Variants in ENTPD4 observed in about 807,000 individuals in gnomAD.
ENTPD4 encodes ectonucleoside triphosphate diphosphohydrolase 4, also known as Golgi UDPase.
ENTPD4 carries 60 observed loss-of-function variants against 79.1 expected under a neutral mutation model. The ratio of observed to expected loss-of-function variants is 0.76; its 90% CI spans 0.62 to 0.94. The LOEUF is 0.94. Among genes scored for constraint, ENTPD4 ranks in the 40% least tolerant of loss-of-function variants. The pLI is 0.00. For missense variants in ENTPD4, 772 were observed against 775.1 expected (o/e 1.00, Z 0.05); for synonymous variants, 276 against 292.0 (o/e 0.95, Z 0.56).
intron 12 of ENTPD4, 31 bp from the exon 13 acceptor site, chr8:23,433,185 G>T: frequency 1.9e-6 from 3 of 1,598,662 alleles, no homozygotes; most frequent in Non-Finnish European, 2.6e-6. Context: ...CAACAAACAG[G>T]ACAGTAAGCA....
rs138478788 is a variant in ENTPD4 at position 23,441,713 on chromosome 8, G to A, written c.738C>T (p.Ala246=). 1,525 of 1,613,750 alleles carry A rather than the reference G, an allele frequency of 9.5e-4. 1 individual carries two copies. Among genetic ancestry groups the A allele is most frequent in the Non-Finnish European group, 1.2e-3 (1,459 of 1,180,008 alleles). The change falls in exon 8 of 13, where the codon GCC becomes GCT. Residue 246 remains alanine, a synonymous_variant. Transcript: ENST00000358689. The part of the protein sequence containing the change: ...RFEHIEDDDE[A]VVEVNIPGSE... Reference sequence around the variant, plus strand: ...TTCCAGGAATGTTAACTTCCACAACGGCCTCATCATCTAGAAAGAACAGAA... The same window carrying A: ...TTCCAGGAATGTTAACTTCCACAACAGCCTCATCATCTAGAAAGAACAGAA...
intron 2 of ENTPD4, among the ~76,000 whole-genome samples, chr8:23,449,664 T>G (rs1800824660): frequency 6.6e-6 from 1 of 152,220 alleles, no homozygotes; most frequent in Non-Finnish European, 1.5e-5. Flanking sequence ...AAAATTTCAC[T>G]GCCTTTGGGA....
chr8:23,444,549 A>G lies in ENTPD4; in HGVS notation c.470T>C (p.Leu157Ser). The stretch of plus-strand genomic sequence containing the variant: ...TGGCACATGCTCTGCAGCAAAGTTC[A>G]AAAGTGGAGAAATGTAATCACTGAC... ...EKVSDYISPLLNFAAEHVPRA... is the reference protein window; with the variant it reads ...EKVSDYISPLSNFAAEHVPRA... The change falls in exon 5 of 13, where the codon TTG becomes TCG. Residue 157 changes from leucine to serine, a missense_variant. Leu to Ser is a moderately radical substitution (Grantham distance 145). Transcript: ENST00000358689. 1.2e-6 allele frequency: 2 copies of G among 1,614,190 alleles called. No homozygotes were observed. Among genetic ancestry groups the G allele is most frequent in the Non-Finnish European group, 1.7e-6 (2 of 1,180,000 alleles).
chr8:23,445,130 A>G (rs2117295115), intron 4 of ENTPD4, among the ~76,000 whole-genome samples: 1 of 152,294 alleles, frequency 6.6e-6, no homozygotes, highest in African/African-American at 2.4e-5. Context: ...CTCCGAGGCC[A>G]TCAGCGCTGG....
Position 23,430,684 on chromosome 8 carries a change from T to A in ENTPD4, c.*2242A>T. On this transcript the variant is annotated 3_prime_UTR_variant, in exon 13 of 13. Transcript: ENST00000358689. ...GCCCTTGTTTCAGGATCCTCAGGTA[T>A]GTGACTAACTCTTCTATGCCCAGAG... 1 of 985,474 alleles carries A rather than the reference T, an allele frequency of 1.0e-6. No individual in the cohort carries two copies. Among genetic ancestry groups the A allele is most frequent in the South Asian group, 4.7e-5 (1 of 21,290 alleles). The allele number at this position is 985,474 out of a possible 1,614,324, so 61.0% of individuals were successfully genotyped here. A position where few individuals can be genotyped will look rare whatever the true frequency, so the allele number is the denominator to read the frequency against.
intron 12 of ENTPD4, 80 bp from the exon 13 acceptor site, chr8:23,433,234 A>C: frequency 5.6e-6 from 7 of 1,239,920 alleles, no homozygotes; most frequent in Non-Finnish European, 6.9e-6. Context: ...GGACGGCGGG[A>C]CCCAGGCCCC....
chr8:23,456,766 A>G (rs1246374933), intron 1 of ENTPD4, among the ~76,000 whole-genome samples: 1 of 152,272 alleles, frequency 6.6e-6, no homozygotes, highest in Admixed American at 6.5e-5. Flanking sequence ...AAAGCTGGAT[A>G]ATTTGGTATT....
At chr8:23,443,796 G>A (rs1460272990) in intron 6 of ENTPD4, 54 bp downstream of exon 6, 4 of 1,024,578 alleles carry the variant, frequency 3.9e-6, no homozygotes, top group African/African-American at 1.6e-5. Context: ...TGAAAATGGG[G>A]AGGATTTAAA....
chr8:23,455,139 T>G (rs553256885), intron 1 of ENTPD4, among the ~76,000 whole-genome samples: 2 of 152,212 alleles, frequency 1.3e-5, no homozygotes, highest in Non-Finnish European at 2.9e-5. Context: ...CTGACAGTTC[T>G]ACAGATAACG....
Sources: allele counts gnomAD v4.1 joint callset (sites outside exome capture counted in the v4.1 genomes callset), GRCh38; gene constraint gnomAD v4.1.1; transcripts MANE v1.5; gene names NCBI Gene and HGNC (gene_info 2026-07-23, HGNC 2026-07-21).